The following PKNOX2 variants were observed in gnomAD, a reference collection of about 807,000 sequenced individuals.
The protein encoded by PKNOX2 is PBX/knotted 1 homeobox 2, also known as homeobox protein PKNOX2.
Under a neutral mutation model 53.1 loss-of-function variants are expected in PKNOX2, and 14 were observed. That is an observed-to-expected ratio of 0.26 (90% CI 0.17 to 0.41). The LOEUF is 0.41. PKNOX2 is among the 10% of genes least tolerant of loss of function. The pLI, the probability that PKNOX2 is intolerant of heterozygous loss-of-function variation, is 1.00. For synonymous variants in PKNOX2, 257 were observed against 242.8 expected (o/e 1.06, Z -0.54); for missense variants, 496 against 602.8 (o/e 0.82, Z 1.85).
At chr11:125,215,401 G>T (rs1400072972) in intron 1 of PKNOX2, among the ~76,000 whole-genome samples, 1 of 152,048 alleles carries the variant, frequency 6.6e-6, no homozygotes, top group Non-Finnish European at 1.5e-5. Context: ...TGTAAAACGA[G>T]CATAACTTGC....
At chr11:125,323,358 T>A (rs1182335315) in intron 2 of PKNOX2, among the ~76,000 whole-genome samples, 1 of 152,236 alleles carries the variant, frequency 6.6e-6, no homozygotes, top group Non-Finnish European at 1.5e-5. Context: ...CTTCTGAAAT[T>A]CATTTCTCAG....
chr11:125,257,515 C>T (rs567338450), intron 2 of PKNOX2, among the ~76,000 whole-genome samples: 8 of 152,286 alleles, frequency 5.3e-5, no homozygotes, highest in African/African-American at 1.2e-4. Context: ...GCTTCGGAAT[C>T]GAACAAATCT....
chr11:125,173,567 AT>A (rs1955482763), intron 1 of PKNOX2, among the ~76,000 whole-genome samples: 1 of 152,232 alleles, frequency 6.6e-6, no homozygotes, highest in African/African-American at 2.4e-5. Flanking sequence ...TCTTTGGCAA[AT>A]GCTGGGAAGA....
At chr11:125,376,140 G>A (rs568996737) in intron 5 of PKNOX2, among the ~76,000 whole-genome samples, 12 of 152,274 alleles carry the variant, frequency 7.9e-5, no homozygotes, top group African/African-American at 2.9e-4. Flanking sequence ...AGTAGACTGC[G>A]ACCTGCCCTG....
intron 10 of PKNOX2, among the ~76,000 whole-genome samples, chr11:125,421,822 ACT>A (rs1489192571): frequency 6.6e-6 from 1 of 152,124 alleles, no homozygotes; most frequent in Non-Finnish European, 1.5e-5. Context: ...GCTGCTCCAG[ACT>A]CTGCAAACCA....
intron 2 of PKNOX2, among the ~76,000 whole-genome samples, chr11:125,324,898 C>G (rs1324949059): frequency 6.6e-6 from 1 of 152,022 alleles, no homozygotes; most frequent in Non-Finnish European, 1.5e-5. Flanking sequence ...GGTCTGACCA[C>G]TGGGGAAAGG....
intron 2 of PKNOX2, among the ~76,000 whole-genome samples, chr11:125,307,481 C>G (rs549526868): frequency 3.9e-4 from 60 of 152,246 alleles, no homozygotes; most frequent in African/African-American, 1.4e-3. Flanking sequence ...TCGCTTGAAC[C>G]TGGGAGGTAG....
At chr11:125,179,760 C>G (rs547273445) in intron 1 of PKNOX2, among the ~76,000 whole-genome samples, 2 of 152,266 alleles carry the variant, frequency 1.3e-5, no homozygotes, top group Admixed American at 1.3e-4. Context: ...ACAGATGTTT[C>G]TAAGCCTCAG....
chr11:125,216,090 C>G (rs1940465643), intron 1 of PKNOX2, among the ~76,000 whole-genome samples: 1 of 152,162 alleles, frequency 6.6e-6, no homozygotes, highest in African/African-American at 2.4e-5. Context: ...TGAGGCTTAC[C>G]CCAGCTGCGG....
chr11:125,328,413 CAG>C (rs1270203020), intron 2 of PKNOX2, among the ~76,000 whole-genome samples: 2 of 151,716 alleles, frequency 1.3e-5, no homozygotes, highest in Non-Finnish European at 2.9e-5. Context: ...GAGACAGAGA[CAG>C]ATAGTATGTG....
At chr11:125,393,559 C>T (rs1353737479) in intron 6 of PKNOX2, among the ~76,000 whole-genome samples, 2 of 152,044 alleles carry the variant, frequency 1.3e-5, no homozygotes, top group Non-Finnish European at 2.9e-5. Context: ...ATTCTAACAC[C>T]ATCAGGCGTG....
At chr11:125,325,074 C>G (rs765324748) in intron 2 of PKNOX2, among the ~76,000 whole-genome samples, 1 of 152,128 alleles carries the variant, frequency 6.6e-6, no homozygotes, top group Non-Finnish European at 1.5e-5. Context: ...TTTCTAAAGT[C>G]CCTTTCAAGT....
chr11:125,312,985 G>A (rs762996622), intron 2 of PKNOX2, among the ~76,000 whole-genome samples: 3 of 152,212 alleles, frequency 2.0e-5, no homozygotes, highest in Non-Finnish European at 2.9e-5. Context: ...TGAAAGGCAG[G>A]GGGGAGGCTG....
chr11:125,201,570 G>A (rs1312572825), intron 1 of PKNOX2, among the ~76,000 whole-genome samples: 3 of 152,178 alleles, frequency 2.0e-5, no homozygotes, highest in Non-Finnish European at 4.4e-5. Context: ...GTTTCCACCT[G>A]TGAAAGGAAG....
intron 4 of PKNOX2, among the ~76,000 whole-genome samples, chr11:125,359,162 C>T (rs765314899): frequency 1.0e-4 from 14 of 136,490 alleles, no homozygotes; most frequent in South Asian, 4.5e-4. Flanking sequence ...CCATCAGGTG[C>T]GCTCAGGCAA....
At chr11:125,315,303 G>GAAAAA (rs534448203) in intron 2 of PKNOX2, among the ~76,000 whole-genome samples, 19 of 79,436 alleles carry the variant, frequency 2.4e-4, no homozygotes, top group Admixed American at 5.8e-4. Flanking sequence ...TGTGAAGCAG[G>GAAAAA]AAAAAAAAAA....
At chr11:125,260,506 G>T (rs1032528632) in intron 2 of PKNOX2, among the ~76,000 whole-genome samples, 11 of 152,008 alleles carry the variant, frequency 7.2e-5, no homozygotes, top group Non-Finnish European at 1.5e-4. Context: ...CTGTTTTATG[G>T]TTTTTTTTAA....
intron 7 of PKNOX2, among the ~76,000 whole-genome samples, chr11:125,402,101 GC>G (rs1458126274): frequency 6.6e-6 from 1 of 152,144 alleles, no homozygotes; most frequent in East Asian, 1.9e-4. Context: ...TTCCTGCTCG[GC>G]CTTCGATTTC....
chr11:125,355,277 GAAAAA>G (rs61437536), intron 4 of PKNOX2, among the ~76,000 whole-genome samples: 7 of 109,188 alleles, frequency 6.4e-5, no homozygotes, highest in South Asian at 2.8e-4. Flanking sequence ...AAAAAAAAAA[GAAAAA>G]AAAAAAAAAA....
Sources: gnomAD v4.1 joint callset for allele counts (sites outside exome capture counted in the v4.1 genomes callset) on GRCh38, gnomAD v4.1.1 for gene constraint, MANE v1.5 for transcripts, NCBI Gene and HGNC (gene_info 2026-07-23, HGNC 2026-07-21) for gene names.